LRRK1: variants seen among roughly 807,000 people sequenced by gnomAD.
LRRK1 encodes leucine rich repeat kinase 1.
A neutral mutation model predicts 209.1 loss-of-function variants in LRRK1; 113 were observed. The ratio of observed to expected loss-of-function variants is 0.54; its 90% CI spans 0.46 to 0.63. LRRK1 has a LOEUF of 0.63. Ranked by LOEUF, LRRK1 falls within the 30% of genes least tolerant of loss-of-function variation. The pLI is 0.00. For missense variants in LRRK1, 2,284 were observed against 2,632.2 expected (o/e 0.87, Z 2.89); for synonymous variants, 1,144 against 1,099.7 (o/e 1.04, Z -0.80).
rs143570654 is a variant in LRRK1 at position 100,970,712 on chromosome 15, G to A, written c.98-3092G>A. On this transcript the variant is annotated intron_variant, in intron 2 of 33. Transcript: ENST00000388948. ...GAATCAGACTGTCAATTTCTATCCC[G>A]CAAAAATGACCCTATTGGAATCATA... is the stretch of plus-strand genomic sequence containing the variant. Among the ~76,000 whole-genome samples, 531 of 151,998 alleles carry A rather than the reference G, an allele frequency of 3.5e-3. 5 individuals carry two copies. In the East Asian group the frequency reaches 0.036, roughly 10 times the overall value.
chr15:101,012,462 C>T (rs1275117998), intron 10 of LRRK1, among the ~76,000 whole-genome samples: 1 of 152,200 alleles, frequency 6.6e-6, no homozygotes, highest in Non-Finnish European at 1.5e-5. Context: ...CCACGGAACC[C>T]TGTGTGCCTA....
intron 6 of LRRK1, among the ~76,000 whole-genome samples, chr15:100,993,680 T>A (rs2032269821): frequency 6.6e-6 from 1 of 152,236 alleles, no homozygotes; most frequent in African/African-American, 2.4e-5. Context: ...TAGGTATATT[T>A]CTTGTAAACA....
chr15:101,011,717 G>A (rs1168374556), intron 9 of LRRK1, among the ~76,000 whole-genome samples: 1 of 151,520 alleles, frequency 6.6e-6, no homozygotes, highest in Non-Finnish European at 1.5e-5. Context: ...TCTCCAGTGT[G>A]GTCCTGAATT....
At chr15:100,934,680 T>G (rs1596163084) in intron 2 of LRRK1, among the ~76,000 whole-genome samples, 1 of 138,456 alleles carries the variant, frequency 7.2e-6, no homozygotes, top group Non-Finnish European at 1.5e-5. Context: ...CACACACCTG[T>G]GGTCCCAGCT....
Position 101,073,916 on chromosome 15 carries a change from C to T in LRRK1, c.*5068C>T, listed in dbSNP as rs192748930. 11 of 152,098 alleles carry T rather than the reference C, an allele frequency of 7.2e-5. No homozygotes were observed. The highest frequency in any genetic ancestry group is 8.8e-5 in the Non-Finnish European group (6 of 68,020). The allele number at this position is 152,098 out of a possible 1,614,324, so 9.4% of individuals were successfully genotyped here. A position where few individuals can be genotyped will look rare whatever the true frequency, so the allele number is the denominator to read the frequency against. Reference sequence around the variant, plus strand: ...AATGCCTTATTTTCTTCTGCAATGCCGCTTGACCCCAATACAAACTCAACA... The same window carrying T: ...AATGCCTTATTTTCTTCTGCAATGCTGCTTGACCCCAATACAAACTCAACA... On this transcript the variant is annotated 3_prime_UTR_variant, in exon 34 of 34. Coordinates refer to ENST00000388948, the MANE Select transcript of LRRK1 (RefSeq NM_024652.6).
chr15:100,962,823 A>ATTT (rs1161979293), intron 2 of LRRK1, among the ~76,000 whole-genome samples: 2 of 11,548 alleles, frequency 1.7e-4, no homozygotes, highest in African/African-American at 5.0e-4. Flanking sequence ...ATATATATAT[A>ATTT]TTTTTTTTTT....
At chr15:101,046,846 G>A (rs1388793600) in intron 21 of LRRK1, among the ~76,000 whole-genome samples, 1 of 152,224 alleles carries the variant, frequency 6.6e-6, no homozygotes. Flanking sequence ...GTTACAGGAA[G>A]GCGTCCCCGC....
intron 26 of LRRK1, among the ~76,000 whole-genome samples, 158 bp from the exon 27 acceptor site, chr15:101,054,788 G>A (rs1382116119): frequency 6.6e-6 from 1 of 152,026 alleles, no homozygotes; most frequent in Non-Finnish European, 1.5e-5. Flanking sequence ...CTCCAGCCTG[G>A]GTGATAGAGG....
chr15:101,067,773 T>C (rs1367790978), intron 33 of LRRK1, among the ~76,000 whole-genome samples: 1 of 152,198 alleles, frequency 6.6e-6, no homozygotes. Flanking sequence ...CTTGAACTGA[T>C]GGAGTTCCCA....
chr15:100,960,081 G>T (rs1378059845), intron 2 of LRRK1, among the ~76,000 whole-genome samples: 1 of 152,052 alleles, frequency 6.6e-6, no homozygotes, highest in Non-Finnish European at 1.5e-5. Context: ...GAAATAACTG[G>T]AAAATAGAGA....
intron 20 of LRRK1, among the ~76,000 whole-genome samples, chr15:101,032,026 G>A (rs150955163): frequency 5.4e-4 from 82 of 152,290 alleles, no homozygotes; most frequent in African/African-American, 1.8e-3. Context: ...GAGCCACTGC[G>A]CCGGCCTCCT....
rs1247650592 is a variant in LRRK1, at chr15:101,070,332, T to G, written c.*1484T>G. ...TCTTTTTTTTTTTTTTTTTTTTTTT[T>G]TTACCAACCTGGGCACCAAGTCCCA... On this transcript the variant is annotated 3_prime_UTR_variant, in exon 34 of 34. Coordinates refer to ENST00000388948, the MANE Select transcript of LRRK1 (RefSeq NM_024652.6). The G allele has an allele frequency of 7.0e-6, 1 of 142,224 alleles. No homozygotes were observed. The highest frequency in any genetic ancestry group is 7.1e-5 in the Admixed American group (1 of 14,144). 8.8% of individuals were successfully genotyped at this position (142,224 alleles called of 1,614,324 possible).
chr15:100,958,925 G>T (rs1373024514), intron 2 of LRRK1, among the ~76,000 whole-genome samples: 1 of 152,140 alleles, frequency 6.6e-6, no homozygotes, highest in African/African-American at 2.4e-5. Context: ...GTATTTCTGG[G>T]CAGTGTGTAT....
rs752943893 is a variant in LRRK1, at chr15:101,053,332, C to T, written c.3966C>T (p.Leu1322=). Reference sequence around the variant, plus strand: ...TGCAGCACCCCTGCATCGTGGCGCTCATCGGCATCAGCATCCACCCGCTCT... The same window carrying T: ...TGCAGCACCCCTGCATCGTGGCGCTTATCGGCATCAGCATCCACCCGCTCT... ...HALQHPCIVA[L]IGISIHPLCF... is the part of the protein sequence containing the mutation. The change falls in exon 26 of 34, where the codon CTC becomes CTT. Residue 1322 remains leucine (L), a synonymous_variant. Transcript: ENST00000388948. 9.4e-6 allele frequency: 15 copies of T among 1,604,218 alleles called. No homozygotes were observed. Among genetic ancestry groups the T allele is most frequent in the Non-Finnish European group, 1.1e-5 (13 of 1,179,918 alleles).
Position 101,027,626 on chromosome 15 carries a change from A to T in LRRK1, c.2527-12A>T. The T allele has an allele frequency of 6.2e-7, 1 of 1,609,602 alleles. No homozygotes were observed. The highest frequency in any genetic ancestry group is 8.5e-7 in the Non-Finnish European group (1 of 1,178,724). On this transcript the variant is annotated splice_polypyrimidine_tract_variant and intron_variant, in intron 18 of 33. Coordinates refer to ENST00000388948, the MANE Select transcript of LRRK1 (RefSeq NM_024652.6). This position sits in a 1 kb window ranked among gnomAD's most constrained non-coding sequence, Gnocchi z 5.1. ...GACCTGAGAGACCCTGCCTCGCCCA[A>T]CTGTCCCCCAGATCCCCAGGAGCTA... is the stretch of plus-strand genomic sequence containing the variant.
At chr15:101,014,751 G>C (rs1043656441) in intron 11 of LRRK1, among the ~76,000 whole-genome samples, 10 of 152,194 alleles carry the variant, frequency 6.6e-5, no homozygotes, top group African/African-American at 2.4e-4. Context: ...GATTGGATTA[G>C]AGTCCATCCT....
At chr15:101,025,327 G>A (rs1320859486) in intron 16 of LRRK1, among the ~76,000 whole-genome samples, 2 of 152,162 alleles carry the variant, frequency 1.3e-5, no homozygotes, top group East Asian at 3.9e-4. Context: ...CACCCTCCGT[G>A]GAGGAGGTCA....
intron 2 of LRRK1, among the ~76,000 whole-genome samples, chr15:100,941,462 C>CTGTG (rs1293984855): frequency 0.08 from 1,310 of 16,450 alleles, 88 homozygotes; most frequent in African/African-American, 0.1. Context: ...GTGTCTATGT[C>CTGTG]TCTGTGTGTG....
chr15:101,009,631 C>T (rs947398669), intron 7 of LRRK1, among the ~76,000 whole-genome samples: 1 of 152,020 alleles, frequency 6.6e-6, no homozygotes, highest in African/African-American at 2.4e-5. Context: ...CTCTGCTGCC[C>T]AACTGGAGTG....
Sources: allele counts gnomAD v4.1 joint callset (sites outside exome capture counted in the v4.1 genomes callset), GRCh38; gene constraint gnomAD v4.1.1; non-coding constraint Gnocchi (gnomAD v3.1); transcripts MANE v1.5; gene names NCBI Gene and HGNC (gene_info 2026-07-23, HGNC 2026-07-21).